PARVB: variants seen among roughly 807,000 people sequenced by gnomAD.
PARVB encodes the protein beta-parvin.
PARVB carries 46 observed loss-of-function variants against 47.0 expected under a neutral mutation model. That is an observed-to-expected ratio of 0.98 (90% confidence interval 0.77 to 1.25). PARVB has a LOEUF of 1.25. Ranked by LOEUF, PARVB falls within the 50% of genes most tolerant of loss-of-function variation. PARVB has a pLI of 0.00. For synonymous variants in PARVB, 196 were observed against 196.3 expected (o/e 1.00, Z 0.01); for missense variants, 473 against 471.6 (o/e 1.00, Z -0.03).
chr22:44,009,696 CATT>C (rs528695945), intron 2 of PARVB, among the ~76,000 whole-genome samples: 10 of 150,714 alleles, frequency 6.6e-5, no homozygotes, highest in African/African-American at 9.7e-5. Flanking sequence ...ATATATAAAC[CATT>C]ATTTAACCCT....
intron 11 of PARVB, among the ~76,000 whole-genome samples, chr22:44,163,638 G>T (rs892194553): frequency 1.2e-4 from 18 of 152,192 alleles, no homozygotes; most frequent in Admixed American, 1.1e-3. Context: ...CAGATCACTG[G>T]TGTGAGGGGT....
chr22:44,133,045 C>T, intron 6 of PARVB, 36 bp downstream of exon 6: 2 of 1,449,350 alleles, frequency 1.4e-6, no homozygotes, highest in Non-Finnish European at 1.9e-6. Flanking sequence ...GCCTGTAACT[C>T]CGCCAGAGAG....
At chr22:44,080,355 C>T (rs130319) in intron 1 of PARVB, among the ~76,000 whole-genome samples, 50,313 of 152,118 alleles carry the variant, frequency 0.33, 8,701 homozygotes, top group Non-Finnish European at 0.39. Context: ...CGGTTCCTTC[C>T]GGAGGCTCCA....
chr22:44,127,733 C>T (rs1404600248), intron 4 of PARVB, among the ~76,000 whole-genome samples: 3 of 106,696 alleles, frequency 2.8e-5, no homozygotes, highest in African/African-American at 1.0e-4. Context: ...CTGGTTTGGC[C>T]ATGTGGAAAT....
intron 1 of PARVB, among the ~76,000 whole-genome samples, chr22:44,040,283 G>A (rs992904719): frequency 1.3e-5 from 2 of 151,792 alleles, no homozygotes; most frequent in African/African-American, 4.8e-5. Context: ...ACTGATGTCT[G>A]CAACTTACTT....
At chr22:44,076,847 G>A (rs1049674396) in intron 1 of PARVB, among the ~76,000 whole-genome samples, 1 of 152,144 alleles carries the variant, frequency 6.6e-6, no homozygotes, top group Non-Finnish European at 1.5e-5. Context: ...GGGGGCTGGG[G>A]CTGGGTCCTG....
At chr22:44,035,368 C>CT (rs57745730) in intron 1 of PARVB, among the ~76,000 whole-genome samples, 23,628 of 117,888 alleles carry the variant, frequency 0.2, 2,571 homozygotes, top group East Asian at 0.31. Context: ...TTTCTTTTTC[C>CT]TTTTTTTTTT....
intron 1 of PARVB, among the ~76,000 whole-genome samples, chr22:44,048,664 C>T (rs1355798026): frequency 6.6e-6 from 1 of 152,200 alleles, no homozygotes; most frequent in Non-Finnish European, 1.5e-5. Context: ...AGGCTTCAAG[C>T]GATTCTCCTG....
intron 4 of PARVB, among the ~76,000 whole-genome samples, chr22:44,128,240 C>T (rs1479170222): frequency 1.3e-5 from 2 of 152,222 alleles, no homozygotes; most frequent in African/African-American, 4.8e-5. Flanking sequence ...GAGCTCCTGG[C>T]TGTCGTCCTG....
chr22:44,143,816 C>G (rs992535180), intron 8 of PARVB: 6 of 152,538 alleles, frequency 3.9e-5, no homozygotes, highest in African/African-American at 7.2e-5. Flanking sequence ...GCCCTTCCCC[C>G]TCCTGGGCCT....
At chr22:44,009,222 C>CT (rs1312044605) in intron 2 of PARVB, among the ~76,000 whole-genome samples, 3 of 152,176 alleles carry the variant, frequency 2.0e-5, no homozygotes, top group Non-Finnish European at 2.9e-5. Context: ...GACCTCTGAT[C>CT]TCAATTGGTA....
At chr22:44,064,619 G>C (rs779440161) in intron 1 of PARVB, among the ~76,000 whole-genome samples, 1 of 152,160 alleles carries the variant, frequency 6.6e-6, no homozygotes, top group Admixed American at 6.5e-5. Context: ...CTGGAGGATC[G>C]CTTGAGCCCA....
intron 1 of PARVB, among the ~76,000 whole-genome samples, chr22:44,035,436 T>C (rs758878331): frequency 6.7e-5 from 10 of 149,286 alleles, no homozygotes; most frequent in Non-Finnish European, 1.5e-4. Context: ...AATGGTGCGA[T>C]CTCGGCTCAC....
intron 2 of PARVB, among the ~76,000 whole-genome samples, chr22:44,008,358 C>T (rs1245322103): frequency 1.3e-5 from 2 of 152,186 alleles, no homozygotes; most frequent in Non-Finnish European, 2.9e-5. Context: ...GATCCACCCA[C>T]CTCAACCTCC....
At position 44,098,503 on chromosome 22, in the gene PARVB, C is replaced by T. The variant is rs141639079; in HGVS notation, c.203-1550C>T. On this transcript the variant is annotated intron_variant, in intron 2 of 12. Coordinates refer to ENST00000338758, the MANE Select transcript of PARVB (RefSeq NM_013327.5). ...CAAGGCTTCAAGGAGTGAGGGAAGG[C>T]CGGATGGGCTGGAGCAGATTGCACC... Among the ~76,000 whole-genome samples, 482 of 152,216 alleles carry T rather than the reference C, an allele frequency of 3.2e-3. 4 individuals carry two copies. Among genetic ancestry groups the T allele is most frequent in the African/African-American group, 8.9e-3 (369 of 41,552 alleles).
intron 2 of PARVB, among the ~76,000 whole-genome samples, chr22:44,008,301 G>A (rs1442307373): frequency 1.3e-5 from 2 of 152,012 alleles, no homozygotes; most frequent in Non-Finnish European, 2.9e-5. Context: ...AGTAGAGATG[G>A]GGTTTCACAT....
chr22:44,058,658 G>A (rs1271443208), intron 1 of PARVB, among the ~76,000 whole-genome samples: 2 of 148,954 alleles, frequency 1.3e-5, no homozygotes, highest in South Asian at 2.1e-4. Context: ...GAGTTCAAGC[G>A]ACTCTCCTGC....
intron 3 of PARVB, chr22:44,110,928 A>T (rs542891435): frequency 1.3e-5 from 2 of 152,192 alleles, no homozygotes; most frequent in East Asian, 3.8e-4. Flanking sequence ...CTGCTTGTCA[A>T]GTTCTTTAGA....
In PARVB at chr22:44,125,539, A is replaced by C. The variant is rs1038429905; in HGVS notation, c.377-5948A>C. Among the ~76,000 whole-genome samples, 4 of 152,198 alleles carry C rather than the reference A, an allele frequency of 2.6e-5. No homozygotes were observed. The highest frequency in any genetic ancestry group is 9.6e-5 in the African/African-American group (4 of 41,452). On this transcript the variant is annotated intron_variant, in intron 4 of 12. Coordinates refer to ENST00000338758, the MANE Select transcript of PARVB (RefSeq NM_013327.5). This position sits in a 1 kb window ranked among gnomAD's most constrained non-coding sequence, Gnocchi z 4.1. ...AGGCGACATCTGAGCACATGTCTGC[A>C]CAGTGAGCTTGGGAAGGGCGTTCTG... is the stretch of plus-strand genomic sequence containing the variant.
Sources: allele counts gnomAD v4.1 joint callset (sites outside exome capture counted in the v4.1 genomes callset), GRCh38; gene constraint gnomAD v4.1.1; non-coding constraint Gnocchi (gnomAD v3.1); transcripts MANE v1.5; gene names NCBI Gene and HGNC (gene_info 2026-07-23, HGNC 2026-07-21).